Variants in SPEG observed in about 807,000 individuals in gnomAD.
SPEG encodes the protein striated muscle enriched protein kinase, also known as striated muscle preferentially expressed protein kinase.
In SPEG, 114 loss-of-function variants were observed where a neutral mutation model predicts 300.4. The observed-to-expected ratio is 0.38, with a 90% CI of 0.33 to 0.44. SPEG has a LOEUF of 0.44. SPEG is among the 20% of genes least tolerant of loss of function. The pLI is 1.00. For synonymous variants in SPEG, 1,964 were observed against 2,018.9 expected (o/e 0.97, Z 0.73); for missense variants, 4,201 against 4,586.2 (o/e 0.92, Z 2.43).
rs200692984 is a variant in SPEG at position 219,490,803 on chromosome 2, G to A, written c.9232G>A (p.Gly3078Ser). Reference sequence around the variant, plus strand: ...GCTACAAGGCCTGGACTACCTCCACGGCCACCACGTGCTCCACCTAGACAT... The same window carrying A: ...GCTACAAGGCCTGGACTACCTCCACAGCCACCACGTGCTCCACCTAGACAT... ...QLLQGLDYLH[G>S]HHVLHLDIKP... is the part of the protein sequence containing the mutation. Residue 3078 changes from glycine to serine, a missense_variant, in exon 38 of 41, where the codon GGC becomes AGC. Gly to Ser is a moderately conservative substitution (Grantham distance 56, BLOSUM62 0). Transcript: ENST00000312358. The A allele has an allele frequency of 8.8e-5, 142 of 1,613,930 alleles. No individual in the cohort carries two copies. Among genetic ancestry groups the A allele is most frequent in the Non-Finnish European group, 1.1e-4 (134 of 1,180,042 alleles).
intron 31 of SPEG, among the ~76,000 whole-genome samples, chr2:219,486,092 C>T (rs999249521): frequency 2.0e-5 from 3 of 152,272 alleles, no homozygotes; most frequent in Non-Finnish European, 4.4e-5. Context: ...CTCCGAACAC[C>T]TGACTGCCCC....
Position 219,451,045 on chromosome 2 carries a change from T to C in SPEG, c.2114-91T>C. 7.3e-7 allele frequency: 1 copy of C among 1,377,366 alleles called. No homozygotes were observed. Among genetic ancestry groups the C allele is most frequent in the Non-Finnish European group, 9.6e-7 (1 of 1,038,322 alleles). 85.3% of individuals were successfully genotyped at this position (1,377,366 alleles called of 1,614,324 possible). A position where few individuals can be genotyped will look rare whatever the true frequency, so the allele number is the denominator to read the frequency against. Reference sequence around the variant, plus strand: ...AGAAGCCCCTCTGTCTGGGTTTGGCTTTCTAGGATGCAGGCCACCAGGACT... The same window carrying C: ...AGAAGCCCCTCTGTCTGGGTTTGGCCTTCTAGGATGCAGGCCACCAGGACT... On this transcript the variant is annotated intron_variant, in intron 4 of 40. Transcript: ENST00000312358. The surrounding 1 kb of genome is among the most constrained non-coding windows in gnomAD (Gnocchi z 6.4).
At position 219,476,553 on chromosome 2, in the gene SPEG, G is replaced by T. The variant is rs571794045; in HGVS notation, c.4448-317G>T. Among the ~76,000 whole-genome samples the T allele has an allele frequency of 3.3e-5, 5 of 152,348 alleles. No homozygotes were observed. The East Asian group carries it at 9.6e-4, about 29-fold the overall frequency. ...GGCAGGAAATCCAGATTTCTTTTGT[G>T]TGTGAAAATCTCCTAATTTCAAAGC... On this transcript the variant is annotated intron_variant, in intron 18 of 40. Coordinates refer to ENST00000312358, the MANE Select transcript of SPEG (RefSeq NM_005876.5).
intron 3 of SPEG, 106 bp from the exon 4 acceptor site, chr2:219,447,868 C>G (rs2125277146): frequency 9.3e-7 from 1 of 1,079,458 alleles, no homozygotes; most frequent in South Asian, 1.5e-5. Flanking sequence ...CCCATGTCAC[C>G]CCCAAGCCTG....
At chr2:219,462,510 C>T in intron 8 of SPEG, 124 bp downstream of exon 8, 1 of 748,084 alleles carries the variant, frequency 1.3e-6, no homozygotes, top group Non-Finnish European at 2.2e-6. Context: ...CCTCAGGGGC[C>T]TCATCTCAGG....
Position 219,488,221 on chromosome 2 carries a change from T to C in SPEG, c.7769T>C (p.Leu2590Pro), listed in dbSNP as rs1257592921. The C allele has an allele frequency of 6.2e-7, 1 of 1,613,584 alleles. No individual in the cohort carries two copies. The highest frequency in any genetic ancestry group is 8.5e-7 in the Non-Finnish European group (1 of 1,179,802). Residue 2590 changes from leucine to proline, a missense_variant, in exon 32 of 41, where the codon CTC becomes CCC. Physicochemically the swap from Leu to Pro is moderately conservative, Grantham distance 98. Around this residue, in one of 4 missense-constraint regions of SPEG, gnomAD observed 1,578 missense variants for 1,506.0 expected, o/e 1.05. Coordinates refer to ENST00000312358, the MANE Select transcript of SPEG (RefSeq NM_005876.5). ...SDFPPVFHIK[L>P]KDQVLLEGEA... ...TTCCCCCCAGTCTTCCACATCAAACTCAAGGACCAGGTGCTGCTGGAGGGG... is the reference window on the plus strand; with the variant it reads ...TTCCCCCCAGTCTTCCACATCAAACCCAAGGACCAGGTGCTGCTGGAGGGG...
rs377567175 is a variant in SPEG at position 219,460,769 on chromosome 2, C to T, written c.2441-1113C>T. 6.3e-5 allele frequency: 62 copies of T among 986,096 alleles called. No homozygotes were observed. In the Admixed American group the frequency reaches 3.3e-3, roughly 53 times the overall value. The allele number at this position is 986,096 out of a possible 1,614,324, so 61.1% of individuals were successfully genotyped here. On this transcript the variant is annotated intron_variant, in intron 6 of 40. Coordinates refer to ENST00000312358, the MANE Select transcript of SPEG (RefSeq NM_005876.5). Reference sequence around the variant, plus strand: ...AGCTGCCTGCCGGCCTGCCATCCAACCTCCTCCTTCCCCTCCTCAGGCGCC... The same window carrying T: ...AGCTGCCTGCCGGCCTGCCATCCAATCTCCTCCTTCCCCTCCTCAGGCGCC...
chr2:219,467,152 C>T (rs1018789538), intron 9 of SPEG, 22 bp from the exon 10 acceptor site: 2 of 1,556,454 alleles, frequency 1.3e-6, no homozygotes, highest in East Asian at 4.5e-5. Flanking sequence ...GTGCGTGGCC[C>T]CCGTGGCTGC....
At position 219,443,998 on chromosome 2, in the gene SPEG, GTC is replaced by G. The variant is rs975852474; in HGVS notation, c.389-648_389-647del. On this transcript the variant is annotated intron_variant, in intron 1 of 40. Coordinates refer to ENST00000312358, the MANE Select transcript of SPEG (RefSeq NM_005876.5). The surrounding 1 kb of genome is among the most constrained non-coding windows in gnomAD (Gnocchi z 4.6). ...AACGCTCTGATAACAGTCTGTCCCTGTCTCTCTCCTGCTGCTCCTATGGAAGC... is the reference window on the plus strand; with the variant it reads ...AACGCTCTGATAACAGTCTGTCCCTGTCTCTCCTGCTGCTCCTATGGAAGC... 2 of 1,363,374 alleles carry G rather than the reference GTC, an allele frequency of 1.5e-6. No homozygotes were observed. Among genetic ancestry groups the G allele is most frequent in the Non-Finnish European group, 2.0e-6 (2 of 1,020,488 alleles). The allele number at this position is 1,363,374 out of a possible 1,614,324, so 84.5% of individuals were successfully genotyped here.
chr2:219,478,463 A>T (rs966982134), intron 22 of SPEG, among the ~76,000 whole-genome samples: 1 of 152,232 alleles, frequency 6.6e-6, no homozygotes, highest in African/African-American at 2.4e-5. Context: ...CAGAGCTAGC[A>T]CATGGCCTAT....
chr2:219,474,013 C>A, intron 18 of SPEG, 110 bp downstream of exon 18: 1 of 1,159,052 alleles, frequency 8.6e-7, no homozygotes, highest in Non-Finnish European at 1.2e-6. Flanking sequence ...AAACCCATGT[C>A]CTCTGGTCAG....
Position 219,467,236 on chromosome 2 carries a change from G to A in SPEG, c.2944G>A (p.Gly982Arg), listed in dbSNP as rs2125456287. 1.2e-6 allele frequency: 2 copies of A among 1,604,406 alleles called. No homozygotes were observed. Among genetic ancestry groups the A allele is most frequent in the Non-Finnish European group, 8.5e-7 (1 of 1,177,440 alleles). Reference protein sequence around the residue: ...APLQDVDVGAGEMALFECLVA... With the variant: ...APLQDVDVGAREMALFECLVA... ...CCTGCAGGACGTGGACGTGGGGGCC[G>A]GGGAGATGGCGCTGTTTGAGTGCCT... The change falls in exon 10 of 41, where the codon GGG (glycine) becomes AGG (arginine). Residue 982 changes from glycine (G) to arginine (R), a missense_variant. Physicochemically the swap from Gly to Arg is moderately radical, Grantham distance 125. Coordinates refer to ENST00000312358, the MANE Select transcript of SPEG (RefSeq NM_005876.5).
intron 15 of SPEG, 121 bp downstream of exon 15, chr2:219,472,452 G>A: frequency 1.2e-6 from 1 of 844,544 alleles, no homozygotes; most frequent in Non-Finnish European, 1.9e-6. Context: ...CTGATGGAAT[G>A]CTGGTGGGAC....
chr2:219,488,188 C>T lies in SPEG; in HGVS notation c.7742-6C>T, dbSNP rs749931013. 1.0e-5 allele frequency: 16 copies of T among 1,605,710 alleles called. No homozygotes were observed. Among genetic ancestry groups the T allele is most frequent in the Non-Finnish European group, 1.3e-5 (15 of 1,173,670 alleles). On this transcript the variant is annotated splice_polypyrimidine_tract_variant and splice_region_variant and intron_variant, in intron 31 of 40. Coordinates refer to ENST00000312358, the MANE Select transcript of SPEG (RefSeq NM_005876.5). ...AGATAGATGGCTGTCTCTGCTTTTC[C>T]TCCAGACTTCCCCCCAGTCTTCCAC...
At chr2:219,474,047 A>T (rs1692128162) in intron 18 of SPEG, 144 bp downstream of exon 18, 3 of 747,412 alleles carry the variant, frequency 4.0e-6, no homozygotes, top group Admixed American at 2.9e-5. Flanking sequence ...ATGGCTATAC[A>T]AATACCATAT....
intron 10 of SPEG, 67 bp downstream of exon 10, chr2:219,467,501 G>T: frequency 6.6e-7 from 1 of 1,526,510 alleles, no homozygotes. Context: ...GACTGGGGGT[G>T]TACAGTAAGA....
intron 6 of SPEG, among the ~76,000 whole-genome samples, chr2:219,456,678 G>A (rs1690206700): frequency 6.6e-6 from 1 of 152,206 alleles, no homozygotes; most frequent in Non-Finnish European, 1.5e-5. Context: ...GGGAGGCCAA[G>A]CAGGGTGGAT....
chr2:219,473,928 T>G lies in SPEG; in HGVS notation c.4447+25T>G, dbSNP rs1559404591. On this transcript the variant is annotated intron_variant, in intron 18 of 40. Transcript: ENST00000312358. The surrounding 1 kb of genome is among the most constrained non-coding windows in gnomAD (Gnocchi z 4.6). ...GGTGGGTGACAGCGGGCCTTCTTCC[T>G]AGCCTCCCTCCAAGGCCCAAAGCTC... is the stretch of plus-strand genomic sequence containing the variant. The G allele has an allele frequency of 6.3e-7, 1 of 1,587,740 alleles. No individual in the cohort carries two copies. The highest frequency in any genetic ancestry group is 1.3e-5 in the African/African-American group (1 of 74,808).
Position 219,445,140 on chromosome 2 carries a change from G to A in SPEG, c.794G>A (p.Gly265Glu). Residue 265 changes from glycine to glutamate, a missense_variant, in exon 3 of 41, where the codon GGA becomes GAA. By Grantham distance (98) the Gly-to-Glu change is moderately conservative. Around this residue, in one of 4 missense-constraint regions of SPEG, gnomAD observed 1,258 missense variants for 1,293.9 expected, o/e 0.97. Coordinates refer to ENST00000312358, the MANE Select transcript of SPEG (RefSeq NM_005876.5). This position sits in a 1 kb window ranked among gnomAD's most constrained non-coding sequence, Gnocchi z 6.1. ...GGCAGCGCATTCAGCCTGTACAGAGGACGGGCGCTCTCTATCCACGTGTAA... is the reference window on the plus strand; with the variant it reads ...GGCAGCGCATTCAGCCTGTACAGAGAACGGGCGCTCTCTATCCACGTGTAA... ...LYGSAFSLYR[G>E]RALSIHVSVP... 1.3e-6 allele frequency: 2 copies of A among 1,580,872 alleles called. No homozygotes were observed. Among genetic ancestry groups the A allele is most frequent in the Non-Finnish European group, 1.7e-6 (2 of 1,164,170 alleles).
Sources: gnomAD v4.1 joint callset for allele counts (sites outside exome capture counted in the v4.1 genomes callset) on GRCh38, gnomAD v4.1.1 for gene constraint, gnomAD v4.1.1 regional missense constraint, Gnocchi (gnomAD v3.1) non-coding constraint, MANE v1.5 for transcripts, NCBI Gene and HGNC (gene_info 2026-07-23, HGNC 2026-07-21) for gene names.